The following UNC5D variants were observed in gnomAD, a reference collection of about 807,000 sequenced individuals.
UNC5D encodes the protein unc-5 netrin receptor D.
Under a neutral mutation model 105.4 loss-of-function variants are expected in UNC5D, and 39 were observed. That is an observed-to-expected ratio of 0.37 (90% confidence interval 0.29 to 0.48). The LOEUF (loss-of-function observed/expected upper bound fraction) is 0.48. Among genes scored for constraint, UNC5D ranks in the 20% least tolerant of loss-of-function variants. The probability of loss-of-function intolerance (pLI) is 0.98; values close to 1 mark genes in which losing one functional copy is unlikely to be tolerated. For synonymous variants in UNC5D, 452 were observed against 450.4 expected (o/e 1.00, Z -0.04); for missense variants, 991 against 1,202.4 (o/e 0.82, Z 2.60).
At chr8:35,621,208 T>C (rs973611045) in intron 4 of UNC5D, among the ~76,000 whole-genome samples, 7 of 152,168 alleles carry the variant, frequency 4.6e-5, no homozygotes, top group Non-Finnish European at 8.8e-5. Context: ...ACCTCATACA[T>C]TGGCTGTCAT....
intron 1 of UNC5D, among the ~76,000 whole-genome samples, chr8:35,541,474 G>T (rs1430924887): frequency 6.6e-6 from 1 of 152,174 alleles, no homozygotes; most frequent in Non-Finnish European, 1.5e-5. Context: ...CCCATGGCAT[G>T]TAATATTTCA....
chr8:35,362,537 T>C (rs1402564340), intron 1 of UNC5D, among the ~76,000 whole-genome samples: 8 of 152,162 alleles, frequency 5.3e-5, no homozygotes, highest in African/African-American at 1.9e-4. Flanking sequence ...TACTGGACCA[T>C]TGTGACAATT....
At chr8:35,573,408 A>T (rs898208752) in intron 3 of UNC5D, among the ~76,000 whole-genome samples, 4 of 152,122 alleles carry the variant, frequency 2.6e-5, no homozygotes, top group Admixed American at 1.3e-4. Flanking sequence ...CGCGCCTGTG[A>T]ATAGCCACTG....
At chr8:35,241,762 A>G (rs768095594) in intron 1 of UNC5D, among the ~76,000 whole-genome samples, 6 of 152,184 alleles carry the variant, frequency 3.9e-5, no homozygotes, top group African/African-American at 7.2e-5. Context: ...ACATTAATAT[A>G]ATTAGTAAAG....
chr8:35,759,465 G>C lies in UNC5D; in HGVS notation c.2309G>C (p.Cys770Ser). Residue 770 changes from cysteine to serine, a missense_variant, in exon 14 of 17, where the codon TGC (cysteine) becomes TCC (serine). Transcript: ENST00000404895. The part of the protein sequence containing the change: ...FLWRIKPFTA[C>S]QEVPFSRVWC... The stretch of plus-strand genomic sequence containing the variant: ...TGGAGAATTAAACCATTCACTGCCT[G>C]CCAGGTACTGGCCAAATGGGTTTCT... 1.9e-6 allele frequency: 3 copies of C among 1,612,086 alleles called. No individual in the cohort carries two copies. The highest frequency in any genetic ancestry group is 2.5e-6 in the Non-Finnish European group (3 of 1,179,496).
At chr8:35,485,147 G>A (rs1432541196) in intron 1 of UNC5D, among the ~76,000 whole-genome samples, 2 of 151,596 alleles carry the variant, frequency 1.3e-5, no homozygotes, top group Non-Finnish European at 3.0e-5. Flanking sequence ...ACCTTTAGAA[G>A]CAGAACACAA....
At chr8:35,626,252 A>G (rs980609899) in intron 4 of UNC5D, among the ~76,000 whole-genome samples, 8 of 151,660 alleles carry the variant, frequency 5.3e-5, no homozygotes, top group Admixed American at 6.6e-5. Flanking sequence ...GTCTCAATAT[A>G]TAAACTCTAT....
intron 1 of UNC5D, among the ~76,000 whole-genome samples, chr8:35,399,867 A>G (rs1471868879): frequency 2.0e-5 from 3 of 152,188 alleles, no homozygotes; most frequent in African/African-American, 7.2e-5. Flanking sequence ...AAGTAATAAT[A>G]GGCATTTGAC....
intron 1 of UNC5D, among the ~76,000 whole-genome samples, chr8:35,515,639 C>A (rs185537513): frequency 6.6e-5 from 10 of 152,186 alleles, no homozygotes; most frequent in Non-Finnish European, 1.2e-4. Flanking sequence ...GAGCCAAGAT[C>A]GTGCCACTGC....
chr8:35,545,653 A>T (rs1042391181), intron 1 of UNC5D, among the ~76,000 whole-genome samples: 1 of 148,456 alleles, frequency 6.7e-6, no homozygotes, highest in Non-Finnish European at 1.5e-5. Context: ...TACAAAGCCA[A>T]AAAAAAAAAA....
chr8:35,318,542 A>G (rs773699224), intron 1 of UNC5D, among the ~76,000 whole-genome samples: 2 of 152,118 alleles, frequency 1.3e-5, no homozygotes, highest in East Asian at 1.9e-4. Context: ...TTAATGATAC[A>G]TATTTTTTAG....
chr8:35,726,783 T>G, intron 10 of UNC5D: 1 of 545,586 alleles, frequency 1.8e-6, no homozygotes, highest in Non-Finnish European at 3.2e-6. Flanking sequence ...TATATTTGCC[T>G]GAAAGGTTTG....
At chr8:35,285,765 G>T (rs950031552) in intron 1 of UNC5D, among the ~76,000 whole-genome samples, 1 of 152,094 alleles carries the variant, frequency 6.6e-6, no homozygotes, top group Non-Finnish European at 1.5e-5. Context: ...CCAAGAGATA[G>T]CCAGGGGAAT....
At chr8:35,703,427 A>C (rs1827342031) in intron 7 of UNC5D, among the ~76,000 whole-genome samples, 1 of 152,170 alleles carries the variant, frequency 6.6e-6, no homozygotes. Flanking sequence ...TCCAGTTCTG[A>C]TCCTGGTCTA....
chr8:35,743,807 G>A (rs889167139), intron 11 of UNC5D, among the ~76,000 whole-genome samples: 1 of 151,958 alleles, frequency 6.6e-6, no homozygotes, highest in Non-Finnish European at 1.5e-5. Flanking sequence ...TTTAACCGCT[G>A]TGAACAAGAT....
At chr8:35,294,046 G>A (rs1807278115) in intron 1 of UNC5D, among the ~76,000 whole-genome samples, 2 of 152,192 alleles carry the variant, frequency 1.3e-5, no homozygotes. Flanking sequence ...CGGGGATAAA[G>A]CATCAATGAA....
intron 1 of UNC5D, among the ~76,000 whole-genome samples, chr8:35,400,678 G>A (rs949274097): frequency 6.6e-6 from 1 of 152,094 alleles, no homozygotes; most frequent in African/African-American, 2.4e-5. Context: ...TCTGATAGTT[G>A]ATGAAATAAA....
chr8:35,778,433 CTCTTA>C (rs929141805), intron 16 of UNC5D, among the ~76,000 whole-genome samples: 4 of 152,174 alleles, frequency 2.6e-5, no homozygotes, highest in East Asian at 1.9e-4. Flanking sequence ...TGTCTTTTCT[CTCTTA>C]TGAGTCCAAA....
intron 1 of UNC5D, among the ~76,000 whole-genome samples, chr8:35,312,505 G>A (rs1808969889): frequency 1.3e-5 from 2 of 152,174 alleles, no homozygotes; most frequent in African/African-American, 4.8e-5. Flanking sequence ...ATGCAAGGTA[G>A]TTTAGCTTCA....
Sources: gnomAD v4.1 joint callset for allele counts (sites outside exome capture counted in the v4.1 genomes callset) on GRCh38, gnomAD v4.1.1 for gene constraint, MANE v1.5 for transcripts, NCBI Gene and HGNC (gene_info 2026-07-23, HGNC 2026-07-21) for gene names.